The following SYTL5 variants were observed in gnomAD, a reference collection of about 807,000 sequenced individuals.
SYTL5 encodes the protein synaptotagmin-like protein 5.
In SYTL5, 34 loss-of-function variants were observed where a neutral mutation model predicts 55.9. The ratio of observed to expected loss-of-function variants is 0.61; its 90% confidence interval spans 0.46 to 0.81. The LOEUF (loss-of-function observed/expected upper bound fraction) is 0.81. Ranked by LOEUF, SYTL5 falls within the 30% of genes least tolerant of loss-of-function variation. The pLI, the probability that SYTL5 is intolerant of heterozygous loss-of-function variation, is 0.00. For synonymous variants in SYTL5, 221 were observed against 188.7 expected (o/e 1.17, Z -1.40); for missense variants, 637 against 546.7 (o/e 1.17, Z -1.65).
upstream of SYTL5, among the ~76,000 whole-genome samples, chrX:38,006,427 C>T (rs1019166951): frequency 9.0e-6 from 1 of 111,598 alleles, no homozygotes; most frequent in African/African-American, 3.3e-5. Context: ...AGAGACATTC[C>T]TTTTTGAAAG....
chrX:37,986,046 C>G, the SYTL5 span, among the ~76,000 whole-genome samples: 1 of 111,374 alleles, frequency 9.0e-6, no homozygotes, highest in Non-Finnish European at 1.9e-5. Context: ...AAAGTTAAAA[C>G]CATAAAACTT....
At chrX:38,006,235 C>T (rs1933984917), upstream of SYTL5, among the ~76,000 whole-genome samples, 2 of 111,686 alleles carry the variant, frequency 1.8e-5, no homozygotes, top group African/African-American at 6.5e-5. Context: ...CAGTGCCTGG[C>T]ACATATGTGT....
chrX:38,007,299 C>T (rs1299746180), intron 1 of SYTL5, among the ~76,000 whole-genome samples: 1 of 111,335 alleles, frequency 9.0e-6, no homozygotes, highest in Non-Finnish European at 1.9e-5. Context: ...TACAGAAATG[C>T]GATATTAACT....
chrX:37,898,088 A>C, the SYTL5 span, among the ~76,000 whole-genome samples: 1 of 111,495 alleles, frequency 9.0e-6, no homozygotes, highest in Non-Finnish European at 1.9e-5. Context: ...CAACAAAGTG[A>C]AACTCTGTCT....
chrX:37,978,031 G>A, the SYTL5 span, among the ~76,000 whole-genome samples: 1 of 111,583 alleles, frequency 9.0e-6, no homozygotes, highest in Non-Finnish European at 1.9e-5. Flanking sequence ...AATGGAGTCA[G>A]TCTCTTTATT....
chrX:38,063,607 G>A (rs1487492878), intron 3 of SYTL5, among the ~76,000 whole-genome samples: 1 of 111,454 alleles, frequency 9.0e-6, no homozygotes, highest in Non-Finnish European at 1.9e-5. Context: ...GCATTTGGAT[G>A]TGTCTCTAAG....
chrX:37,996,906 C>A, the SYTL5 span, among the ~76,000 whole-genome samples: 1 of 112,274 alleles, frequency 8.9e-6, no homozygotes. Context: ...CCTCAGATTA[C>A]AAAGTGGCAG....
At chrX:37,911,830 A>G in the SYTL5 span, among the ~76,000 whole-genome samples, 4 of 112,032 alleles carry the variant, frequency 3.6e-5, no homozygotes, top group African/African-American at 1.3e-4. Flanking sequence ...ACGTACATGT[A>G]TATTGTATAC....
At chrX:38,089,164 C>T (rs1936733321) in intron 6 of SYTL5, among the ~76,000 whole-genome samples, 1 of 112,053 alleles carries the variant, frequency 8.9e-6, no homozygotes, top group African/African-American at 3.2e-5. Flanking sequence ...TGGTAAGGAA[C>T]CCAGACTGGC....
intron 12 of SYTL5, 52 bp downstream of exon 12, chrX:38,108,751 A>AACCATTGAAGT: frequency 2.5e-6 from 2 of 792,137 alleles, no homozygotes; most frequent in Non-Finnish European, 3.7e-6. Context: ...CACAACTTCA[A>AACCATTGAAGT]TGGTTTAGAA....
chrX:38,048,527 CA>C (rs201459563), intron 2 of SYTL5, among the ~76,000 whole-genome samples: 19,047 of 66,895 alleles, frequency 0.28, 1,692 homozygotes, highest in Admixed American at 0.4. Context: ...GGGCAATTTA[CA>C]AAAAAAAAAA....
At chrX:38,061,010 A>C (rs1178898599) in intron 3 of SYTL5, among the ~76,000 whole-genome samples, 1 of 112,036 alleles carries the variant, frequency 8.9e-6, no homozygotes, top group African/African-American at 3.2e-5. Flanking sequence ...TACAAAGTTG[A>C]ATAAAAAATG....
the SYTL5 span, among the ~76,000 whole-genome samples, chrX:37,982,880 T>G: frequency 9.0e-6 from 1 of 111,332 alleles, no homozygotes; most frequent in Non-Finnish European, 1.9e-5. Context: ...TTGCTGGGTT[T>G]GTAGAATTTA....
intron 3 of SYTL5, among the ~76,000 whole-genome samples, chrX:38,056,047 A>G (rs1935769976): frequency 8.9e-6 from 1 of 111,769 alleles, no homozygotes; most frequent in Non-Finnish European, 1.9e-5. Context: ...GCTATCAAGT[A>G]CTAGATCTTA....
intron 1 of SYTL5, among the ~76,000 whole-genome samples, chrX:38,029,747 T>G (rs1195130825): frequency 1.1e-5 from 1 of 89,372 alleles, no homozygotes; most frequent in Non-Finnish European, 1.9e-5. Context: ...TTTCCAAAGA[T>G]TACTTAAGTC....
chrX:38,086,291 A>G (rs1213949604), intron 6 of SYTL5, among the ~76,000 whole-genome samples: 5 of 111,757 alleles, frequency 4.5e-5, no homozygotes, highest in Non-Finnish European at 9.4e-5. Context: ...ATTCAGATGC[A>G]TCTGCCACAC....
chrX:38,030,428 G>T (rs967254826), intron 1 of SYTL5, among the ~76,000 whole-genome samples: 1 of 111,886 alleles, frequency 8.9e-6, no homozygotes, highest in Admixed American at 9.5e-5. Flanking sequence ...GGAGTCTCAT[G>T]CTGTTAGAGC....
At chrX:37,895,691 G>A in the SYTL5 span, among the ~76,000 whole-genome samples, 3 of 108,852 alleles carry the variant, frequency 2.8e-5, no homozygotes, top group African/African-American at 1.0e-4. Context: ...AGAAAAAAAC[G>A]TAGGAAGGCA....
the SYTL5 span, among the ~76,000 whole-genome samples, chrX:37,913,870 C>T: frequency 0.044 from 4,873 of 111,996 alleles, 264 homozygotes; most frequent in African/African-American, 0.15. Context: ...GAATTTCCTA[C>T]TTCTATTCCC....
Sources: allele counts gnomAD v4.1 joint callset (sites outside exome capture counted in the v4.1 genomes callset), GRCh38; gene constraint gnomAD v4.1.1; transcripts MANE v1.5; gene names NCBI Gene and HGNC (gene_info 2026-07-23, HGNC 2026-07-21).